The following CHEK2 variants were observed in gnomAD, a reference collection of about 807,000 sequenced individuals.
CHEK2 encodes serine/threonine-protein kinase Chk2.
A neutral mutation model predicts 69.1 loss-of-function variants in CHEK2; 71 were observed. The observed-to-expected ratio is 1.03, with a 90% confidence interval of 0.85 to 1.25. CHEK2 has a LOEUF of 1.25. Among genes scored for constraint, CHEK2 ranks in the 50% most tolerant of loss-of-function variants. The pLI is 0.00. For synonymous variants in CHEK2, 189 were observed against 226.9 expected (o/e 0.83, Z 1.50); for missense variants, 664 against 649.6 (o/e 1.02, Z -0.24).
intron 9 of CHEK2, among the ~76,000 whole-genome samples, chr22:28,697,720 G>A (rs934024004): frequency 2.2e-4 from 33 of 151,802 alleles, no homozygotes; most frequent in African/African-American, 4.8e-4. Context: ...TAGGCACAAA[G>A]CATGCCACTT....
chr22:28,725,391 G>A (rs1036008680), intron 2 of CHEK2, 24 bp from the exon 3 acceptor site: 3 of 1,613,810 alleles, frequency 1.9e-6, no homozygotes, highest in Admixed American at 3.3e-5. Flanking sequence ...GCATGCATCA[G>A]AGGGCTGTTG....
At chr22:28,735,836 C>T (rs910552119) in intron 1 of CHEK2, among the ~76,000 whole-genome samples, 3 of 151,202 alleles carry the variant, frequency 2.0e-5, no homozygotes, top group East Asian at 2.0e-4. Context: ...GAGCTGAGAT[C>T]GCGCCACTGC....
intron 13 of CHEK2, among the ~76,000 whole-genome samples, chr22:28,692,956 C>T (rs746430963): frequency 1.8e-4 from 28 of 152,168 alleles, no homozygotes; most frequent in Non-Finnish European, 4.0e-4. Context: ...TGCCTTCTTC[C>T]CCTTCCACCA....
intron 1 of CHEK2, chr22:28,737,276 C>T (rs1387385087): frequency 2.1e-6 from 1 of 475,136 alleles, no homozygotes; most frequent in Non-Finnish European, 4.3e-6. Context: ...CGTTAGCAGC[C>T]TCAGCATACA....
At position 28,734,615 on chromosome 22, in the gene CHEK2, T is replaced by C. The variant is rs1555932650; in HGVS notation, c.107A>G (p.Gln36Arg). Residue 36 changes from glutamine (Q) to arginine (R), a missense_variant, in exon 2 of 15, where the codon CAG (glutamine) becomes CGG (arginine). By Grantham distance (43) the Gln-to-Arg change is conservative (BLOSUM62 1). Transcript: ENST00000404276. ...GCTGGTAGAGGAGCTGGATATGCCCTGGGACTGTGAGGAGGAGCCTTGGGA... is the reference window on the plus strand; with the variant it reads ...GCTGGTAGAGGAGCTGGATATGCCCCGGGACTGTGAGGAGGAGCCTTGGGA... ...TQSQGSSSQS[Q>R]GISSSSTSTM... 6.2e-7 allele frequency: 1 copy of C among 1,613,912 alleles called. No individual in the cohort carries two copies. Among genetic ancestry groups the C allele is most frequent in the Non-Finnish European group, 8.5e-7 (1 of 1,179,996 alleles).
At chr22:28,712,132 C>T in intron 5 of CHEK2, 115 bp from the exon 6 acceptor site, 1 of 735,412 alleles carries the variant, frequency 1.4e-6, no homozygotes, top group South Asian at 1.6e-5. Flanking sequence ...ACAGCCTTTC[C>T]ATTGTCCCTG....
At position 28,711,907 on chromosome 22, in the gene CHEK2, ACT is replaced by A. The variant is rs774831804; in HGVS notation, c.792_792+1del. ...GGTGATCAGCCTTTTATTGGTACTT[ACT>A]GCCTCTCTTGCTGAACCAATAGCAA... On this transcript the variant is annotated splice_donor_variant and coding_sequence_variant, in exon 6 of 15. Transcript: ENST00000404276. LOFTEE classifies it high-confidence loss of function. 6.3e-7 allele frequency: 1 copy of A among 1,592,950 alleles called. No individual in the cohort carries two copies. Among genetic ancestry groups the A allele is most frequent in the African/African-American group, 1.3e-5 (1 of 74,598 alleles).
intron 10 of CHEK2, among the ~76,000 whole-genome samples, chr22:28,696,248 T>G (rs572656297): frequency 6.6e-6 from 1 of 152,218 alleles, no homozygotes; most frequent in African/African-American, 2.4e-5. Flanking sequence ...TGGAAACACA[T>G]GCTTATACCT....
chr22:28,721,327 C>A (rs1159817827), intron 4 of CHEK2, among the ~76,000 whole-genome samples: 2 of 137,836 alleles, frequency 1.5e-5, no homozygotes, highest in Non-Finnish European at 3.0e-5. Flanking sequence ...GCTCTTGTAC[C>A]CCAGGCTAGA....
chr22:28,731,662 T>A (rs907886919), intron 2 of CHEK2, among the ~76,000 whole-genome samples: 1 of 152,130 alleles, frequency 6.6e-6, no homozygotes, highest in African/African-American at 2.4e-5. Flanking sequence ...ATGCTGGTCA[T>A]CCTATCAGGA....
Position 28,719,699 on chromosome 22 carries a change from C to T in CHEK2, c.593-214G>A, listed in dbSNP as rs570353704. Among the ~76,000 whole-genome samples the T allele has an allele frequency of 5.9e-5, 9 of 152,278 alleles. No individual in the cohort carries two copies. In the East Asian group the frequency reaches 1.5e-3, roughly 26 times the overall value. The stretch of plus-strand genomic sequence containing the variant: ...TGAGAAATAAATGATAGTCAAATTT[C>T]ATGCTTCAATGGAACTATAAGCATC... On this transcript the variant is annotated intron_variant, in intron 4 of 14. Transcript: ENST00000404276.
intron 5 of CHEK2, among the ~76,000 whole-genome samples, chr22:28,713,538 T>C (rs2053482681): frequency 1.3e-5 from 2 of 152,048 alleles, no homozygotes; most frequent in African/African-American, 2.4e-5. Flanking sequence ...TTTGTATTTT[T>C]AGTAGAGGGG....
At chr22:28,707,830 C>CTTTTTTTTTTTTTTTTTTTTTTTTTTTTT (rs11453597) in intron 7 of CHEK2, among the ~76,000 whole-genome samples, 1 of 102,462 alleles carries the variant, frequency 9.8e-6, no homozygotes, top group Admixed American at 1.2e-4. Flanking sequence ...TTGTGTTTAT[C>CTTTTTTTTTTTTTTTTTTTTTTTTTTTTT]TTTTTTTTTT....
chr22:28,712,169 C>A, intron 5 of CHEK2, 152 bp from the exon 6 acceptor site: 2 of 674,878 alleles, frequency 3.0e-6, no homozygotes, highest in South Asian at 1.7e-5. Context: ...TGAAACTTCA[C>A]CAGTGTAAAA....
rs537685613 is a variant in CHEK2, at chr22:28,693,345, A to AT, written c.1461+686dup. ...ATGAAAAGTGCAGGTGACAGCCTTC[A>AT]TTAAGGACACATTTACTCACCTGAA... On this transcript the variant is annotated intron_variant, in intron 13 of 14. Transcript: ENST00000404276. 9.8e-4 allele frequency among the ~76,000 whole-genome samples: 150 copies of AT among 152,322 alleles called. 3 individuals carry two copies. In the South Asian group the frequency reaches 0.027, roughly 28 times the overall value.
rs1290771167 is a variant in CHEK2, at chr22:28,693,660, T to A, written c.1461+372A>T. Among the ~76,000 whole-genome samples the A allele has an allele frequency of 3.9e-5, 6 of 152,030 alleles. No homozygotes were observed. In the East Asian group the frequency reaches 1.2e-3, roughly 29 times the overall value. Reference sequence around the variant, plus strand: ...CAGCCATGAGTAATATCAAAAAGGTTGTAGCCTGGCCAGCACGGCGAAACC... The same window carrying A: ...CAGCCATGAGTAATATCAAAAAGGTAGTAGCCTGGCCAGCACGGCGAAACC... On this transcript the variant is annotated intron_variant, in intron 13 of 14. Coordinates refer to ENST00000404276, the MANE Select transcript of CHEK2 (RefSeq NM_007194.4).
intron 1 of CHEK2, among the ~76,000 whole-genome samples, chr22:28,739,932 G>T (rs527754091): frequency 6.6e-6 from 1 of 152,316 alleles, no homozygotes; most frequent in South Asian, 2.1e-4. Flanking sequence ...GCCATGTACA[G>T]TGGCTCACGC....
At chr22:28,700,449 A>G (rs1273960864) in intron 8 of CHEK2, among the ~76,000 whole-genome samples, 1 of 152,062 alleles carries the variant, frequency 6.6e-6, no homozygotes, top group East Asian at 1.9e-4. Context: ...TCCTGGCCTC[A>G]AGTGATCTGC....
At chr22:28,714,357 A>G (rs143267023) in intron 5 of CHEK2, among the ~76,000 whole-genome samples, 1 of 152,134 alleles carries the variant, frequency 6.6e-6, no homozygotes, top group East Asian at 1.9e-4. Context: ...TGGCCATTGT[A>G]TGTGTTCTTG....
Sources: gnomAD v4.1 joint callset for allele counts (sites outside exome capture counted in the v4.1 genomes callset) on GRCh38, gnomAD v4.1.1 for gene constraint, MANE v1.5 for transcripts, NCBI Gene and HGNC (gene_info 2026-07-23, HGNC 2026-07-21) for gene names.